ZNF608: variants seen among roughly 807,000 people sequenced by gnomAD.
ZNF608 encodes the protein zinc finger protein 608.
In ZNF608, 12 loss-of-function variants were observed where a neutral mutation model predicts 109.0. The observed-to-expected ratio is 0.11, with a 90% confidence interval of 0.07 to 0.18. The LOEUF (loss-of-function observed/expected upper bound fraction) is 0.18. ZNF608 is among the 10% of genes least tolerant of loss of function. ZNF608 has a pLI of 1.00. For missense variants in ZNF608, 1,707 were observed against 1,879.3 expected (o/e 0.91, Z 1.70); for synonymous variants, 732 against 717.4 (o/e 1.02, Z -0.33).
chr5:124,644,390 C>A lies in ZNF608; in HGVS notation c.3977G>T (p.Arg1326Leu). The change falls in exon 6 of 10, where the codon CGG becomes CTG. Residue 1326 changes from arginine to leucine, a missense_variant. Arg to Leu is a moderately radical substitution (Grantham distance 102). Around this residue, in one of 7 missense-constraint regions of ZNF608, gnomAD observed 1,073 missense variants for 1,133.5 expected, o/e 0.95. Transcript: ENST00000513986. ...TGAGGAGACAGCCACTCTTGTTCCC[C>A]GAGAGTCCTTCCAGTTCACAGGAGT... ...RKTPVNWKDS[R>L]GTRVAVSSPM... 2 of 1,614,086 alleles carry A rather than the reference C, an allele frequency of 1.2e-6. No homozygotes were observed. The highest frequency in any genetic ancestry group is 1.7e-6 in the Non-Finnish European group (2 of 1,180,024).
chr5:124,734,917 C>T (rs1370905343), intron 2 of ZNF608: 1 of 152,120 alleles, frequency 6.6e-6, no homozygotes, highest in African/African-American at 2.4e-5. Context: ...AATTTATTTG[C>T]ATTACTTAAA....
intron 2 of ZNF608, among the ~76,000 whole-genome samples, chr5:124,718,001 C>T (rs1487489170): frequency 6.6e-6 from 1 of 152,212 alleles, no homozygotes; most frequent in African/African-American, 2.4e-5. Context: ...AGGGGCTCAA[C>T]ACATAACATG....
intron 3 of ZNF608, among the ~76,000 whole-genome samples, chr5:124,677,683 G>A (rs1231783815): frequency 3.9e-5 from 6 of 152,108 alleles, no homozygotes; most frequent in African/African-American, 1.4e-4. Context: ...CAAGCAAATC[G>A]CTTCTTCTGC....
chr5:124,693,865 C>T (rs1414236007), intron 3 of ZNF608, among the ~76,000 whole-genome samples: 22 of 151,924 alleles, frequency 1.4e-4, no homozygotes, highest in Non-Finnish European at 3.1e-4. Context: ...CCTTTCTCTC[C>T]ATTCAGTACG....
chr5:124,711,698 C>T (rs775689310), intron 2 of ZNF608, among the ~76,000 whole-genome samples: 2 of 152,266 alleles, frequency 1.3e-5, no homozygotes, highest in East Asian at 1.9e-4. Flanking sequence ...GAGCAGTGGC[C>T]GCAGAGCCAA....
At chr5:124,711,617 C>A in intron 2 of ZNF608, among the ~76,000 whole-genome samples, 1 of 152,204 alleles carries the variant, frequency 6.6e-6, no homozygotes, top group African/African-American at 2.4e-5. Context: ...AGCCGCCTCA[C>A]TGTTGGGGAA....
intron 5 of ZNF608, among the ~76,000 whole-genome samples, chr5:124,645,274 C>T (rs948528905): frequency 4.6e-5 from 7 of 152,182 alleles, no homozygotes; most frequent in East Asian, 1.9e-4. Flanking sequence ...TAATAGCACA[C>T]GTTATGGCTT....
At chr5:124,732,366 A>T (rs1461004057) in intron 2 of ZNF608, among the ~76,000 whole-genome samples, 2 of 152,148 alleles carry the variant, frequency 1.3e-5, no homozygotes, top group Non-Finnish European at 2.9e-5. Context: ...ATTAAAGTAA[A>T]AATAAAAACA....
chr5:124,727,948 G>T (rs573054088), intron 2 of ZNF608, among the ~76,000 whole-genome samples: 3 of 152,004 alleles, frequency 2.0e-5, no homozygotes, highest in East Asian at 3.9e-4. Context: ...CATGTTGGTC[G>T]GGCTGGTCTC....
In ZNF608 at chr5:124,744,220, C is replaced by A; in HGVS notation, c.770G>T (p.Ser257Ile). 6.2e-7 allele frequency: 1 copy of A among 1,613,914 alleles called. No homozygotes were observed. Among genetic ancestry groups the A allele is most frequent in the Non-Finnish European group, 8.5e-7 (1 of 1,180,000 alleles). The stretch of plus-strand genomic sequence containing the variant: ...TTCCCCTGCAGCGGCGACGCTGCCA[C>A]TCCCAGTGCCCCCGCAGTGGAAGGG... ...ASPFHCGGTG[S>I]GSVAAAGEVS... The change falls in exon 2 of 10, where the codon AGT becomes ATT. Residue 257 changes from serine to isoleucine, a missense_variant. Physicochemically the swap from Ser to Ile is moderately radical, Grantham distance 142. Around this residue, in one of 7 missense-constraint regions of ZNF608, gnomAD observed 407 missense variants for 398.7 expected, o/e 1.02. Transcript: ENST00000513986. The surrounding 1 kb of genome is among the most constrained non-coding windows in gnomAD (Gnocchi z 4.5).
At chr5:124,717,505 T>C (rs1753751910) in intron 2 of ZNF608, among the ~76,000 whole-genome samples, 1 of 152,190 alleles carries the variant, frequency 6.6e-6, no homozygotes, top group Admixed American at 6.5e-5. Context: ...TTTTTAAAAA[T>C]CACAAACCAT....
chr5:124,674,368 C>T (rs1388165243), intron 3 of ZNF608, among the ~76,000 whole-genome samples: 1 of 152,116 alleles, frequency 6.6e-6, no homozygotes, highest in Non-Finnish European at 1.5e-5. Context: ...GGAAATGGGG[C>T]CCAAATATCA....
intron 2 of ZNF608, among the ~76,000 whole-genome samples, chr5:124,742,712 A>G (rs560517205): frequency 6.6e-5 from 10 of 152,316 alleles, no homozygotes; most frequent in East Asian, 1.9e-4. Context: ...ATGTGCCTCT[A>G]TCAACTTTTA....
At chr5:124,705,345 G>A (rs942021013) in intron 2 of ZNF608, among the ~76,000 whole-genome samples, 3 of 152,130 alleles carry the variant, frequency 2.0e-5, no homozygotes, top group Non-Finnish European at 4.4e-5. Context: ...CTTGCTGTGT[G>A]GAACCCTGAG....
In ZNF608 at chr5:124,654,482, G is replaced by A. The variant is rs116312109; in HGVS notation, c.1163-4785C>T. On this transcript the variant is annotated intron_variant, in intron 3 of 9. Transcript: ENST00000513986. ...AGAAGCAAATGGAGACAAATGCAAA[G>A]GTTCTCACTTCTGTGAATCCTTGCC... Among the ~76,000 whole-genome samples, 595 of 152,302 alleles carry A rather than the reference G, an allele frequency of 3.9e-3. 7 individuals are homozygous for A. The highest frequency in any genetic ancestry group is 0.02 in the South Asian group (96 of 4,822).
intron 2 of ZNF608, among the ~76,000 whole-genome samples, chr5:124,712,404 T>A (rs1400200672): frequency 2.0e-5 from 3 of 152,078 alleles, no homozygotes; most frequent in Admixed American, 2.0e-4. Flanking sequence ...CTGTGACCCC[T>A]GGCAGAAAGA....
intron 2 of ZNF608, 90 bp from the exon 3 acceptor site, chr5:124,701,359 C>A: frequency 6.8e-7 from 1 of 1,469,090 alleles, no homozygotes; most frequent in Non-Finnish European, 9.3e-7. Flanking sequence ...GAATATATCA[C>A]CATTCCAAAT....
chr5:124,731,909 A>T (rs1748927632), intron 2 of ZNF608, among the ~76,000 whole-genome samples: 1 of 152,184 alleles, frequency 6.6e-6, no homozygotes, highest in Non-Finnish European at 1.5e-5. Flanking sequence ...GAAAATATTA[A>T]CAGGAAAGAA....
Position 124,746,484 on chromosome 5 carries a change from T to C in ZNF608, c.-473A>G. 1 of 985,376 alleles carries C rather than the reference T, an allele frequency of 1.0e-6. No individual in the cohort carries two copies. Among genetic ancestry groups the C allele is most frequent in the Non-Finnish European group, 1.2e-6 (1 of 829,900 alleles). 61.0% of individuals were successfully genotyped at this position (985,376 alleles called of 1,614,324 possible). A position where few individuals can be genotyped will look rare whatever the true frequency, so the allele number is the denominator to read the frequency against. ...AGAAGCACCAAAGGTTTTTTTTTCC[T>C]CTTAACAAGCATCGAGAATAATAGT... is the stretch of plus-strand genomic sequence containing the variant. On this transcript the variant is annotated 5_prime_UTR_variant, in exon 1 of 10. Coordinates refer to ENST00000513986, the MANE Select transcript of ZNF608 (RefSeq NM_020747.3).
Sources: gnomAD v4.1 joint callset for allele counts (sites outside exome capture counted in the v4.1 genomes callset) on GRCh38, gnomAD v4.1.1 for gene constraint, gnomAD v4.1.1 regional missense constraint, Gnocchi (gnomAD v3.1) non-coding constraint, MANE v1.5 for transcripts, NCBI Gene and HGNC (gene_info 2026-07-23, HGNC 2026-07-21) for gene names.